ROPN1L: variants seen among roughly 807,000 people sequenced by gnomAD.
ROPN1L encodes the protein rhophilin associated tail protein 1 like.
Under a neutral mutation model 22.7 loss-of-function variants are expected in ROPN1L, and 23 were observed. The observed-to-expected ratio is 1.01, with a 90% CI of 0.73 to 1.43. ROPN1L has a LOEUF of 1.43. ROPN1L is among the 40% of genes most tolerant of loss of function. ROPN1L has a pLI of 0.00. For missense variants in ROPN1L, 271 were observed against 291.5 expected (o/e 0.93, Z 0.51); for synonymous variants, 116 against 117.8 (o/e 0.98, Z 0.10).
chr5:10,469,965 C>T (rs1735219367), downstream of ROPN1L, among the ~76,000 whole-genome samples: 1 of 152,184 alleles, frequency 6.6e-6, no homozygotes, highest in African/African-American at 2.4e-5. Flanking sequence ...CACTAACATA[C>T]TTGTGAATTC....
chr5:10,476,260 CTA>C (rs755988161), downstream of ROPN1L, among the ~76,000 whole-genome samples: 30 of 152,230 alleles, frequency 2.0e-4, no homozygotes, highest in Admixed American at 7.9e-4. Context: ...CCAGACCCCT[CTA>C]TGTGTTGCGG....
chr5:10,442,258 A>T lies in ROPN1L; in HGVS notation c.91A>T (p.Ile31Phe). 3.1e-6 allele frequency: 5 copies of T among 1,613,730 alleles called. No individual in the cohort carries two copies. In the South Asian group the frequency reaches 4.4e-5, roughly 14 times the overall value. The change falls in exon 1 of 5, where the codon ATC becomes TTC. Residue 31 changes from isoleucine to phenylalanine, a missense_variant. By Grantham distance (21) the Ile-to-Phe change is conservative. Coordinates refer to ENST00000274134, the MANE Select transcript of ROPN1L (RefSeq NM_031916.5). ...DILKQFTKAA[I>F]RTQPADVLRW... is the part of the protein sequence containing the mutation. ...CCTGAAGCAATTCACCAAGGCTGCC[A>T]TCCGCACCCAGCCGGCCGACGTGCT...
chr5:10,470,893 G>A (rs1435129337), intron 4 of ROPN1L, among the ~76,000 whole-genome samples: 1 of 152,230 alleles, frequency 6.6e-6, no homozygotes, highest in African/African-American at 2.4e-5. Context: ...TGCCACGTAC[G>A]GGTTTTGCAG....
At chr5:10,482,803 T>A in the ROPN1L span, among the ~76,000 whole-genome samples, 1 of 152,356 alleles carries the variant, frequency 6.6e-6, no homozygotes, top group Non-Finnish European at 1.5e-5. Context: ...GATAAAATAA[T>A]CTTGGATTTA....
At chr5:10,480,174 T>A in the ROPN1L span, among the ~76,000 whole-genome samples, 1 of 152,370 alleles carries the variant, frequency 6.6e-6, no homozygotes, top group African/African-American at 2.4e-5. Context: ...TAAACCAATG[T>A]AGTTATTTCA....
chr5:10,464,299 C>T (rs1735108926), intron 4 of ROPN1L, among the ~76,000 whole-genome samples: 1 of 152,192 alleles, frequency 6.6e-6, no homozygotes, highest in Non-Finnish European at 1.5e-5. Context: ...TTCTTGACAC[C>T]ATCCTGGCTG....
rs569994428 is a variant in ROPN1L, at chr5:10,448,266, T to C, written c.138T>C (p.Phe46=). 3 of 1,614,130 alleles carry C rather than the reference T, an allele frequency of 1.9e-6. No homozygotes were observed. The highest frequency in any genetic ancestry group is 2.5e-6 in the Non-Finnish European group (3 of 1,180,010). The part of the protein sequence containing the change: ...ADVLRWSAGY[F]SALSRGDPLP... ...GATGTCTGTTATTTATTAGCTATTT[T>C]TCAGCTCTGTCGAGAGGAGATCCAC... Residue 46 remains phenylalanine, a synonymous_variant, in exon 2 of 5, where the codon TTT becomes TTC. Coordinates refer to ENST00000274134, the MANE Select transcript of ROPN1L (RefSeq NM_031916.5).
the ROPN1L span, among the ~76,000 whole-genome samples, chr5:10,478,452 C>T: frequency 1.6e-4 from 25 of 152,296 alleles, no homozygotes; most frequent in Non-Finnish European, 2.5e-4. Context: ...ATTGGCAGGG[C>T]CACACTTCCT....
chr5:10,458,364 G>A (rs551626733), intron 3 of ROPN1L, among the ~76,000 whole-genome samples: 6 of 151,810 alleles, frequency 4.0e-5, no homozygotes, highest in Middle Eastern at 3.4e-3. Flanking sequence ...CTCCCACCTC[G>A]GCAACCTCGT....
rs1205371140 is a variant in ROPN1L at position 10,448,403 on chromosome 5, C to G, written c.255+20C>G. On this transcript the variant is annotated intron_variant, in intron 2 of 4. Coordinates refer to ENST00000274134, the MANE Select transcript of ROPN1L (RefSeq NM_031916.5). The stretch of plus-strand genomic sequence containing the variant: ...AAGCAGGTATGGGGGGGCGTAGTCT[C>G]TGGCCTCAGGCAGCTGGCCTGTGCT... The G allele has an allele frequency of 1.2e-6, 2 of 1,613,654 alleles. No homozygotes were observed. The highest frequency in any genetic ancestry group is 3.3e-5 in the Admixed American group (2 of 60,006).
intron 1 of ROPN1L, among the ~76,000 whole-genome samples, chr5:10,447,301 C>T (rs905031349): frequency 6.6e-6 from 1 of 152,234 alleles, no homozygotes; most frequent in Admixed American, 6.5e-5. Flanking sequence ...CACCACGAGC[C>T]AGAGGCTGGG....
the ROPN1L span, among the ~76,000 whole-genome samples, chr5:10,479,082 T>A: frequency 6.6e-6 from 1 of 152,164 alleles, no homozygotes; most frequent in Non-Finnish European, 1.5e-5. Context: ...TCCTTGTTTT[T>A]GAGGTGGCTG....
At chr5:10,459,543 C>T (rs955246508) in intron 3 of ROPN1L, among the ~76,000 whole-genome samples, 4 of 152,144 alleles carry the variant, frequency 2.6e-5, no homozygotes, top group Admixed American at 6.5e-5. Flanking sequence ...CCCACCCCAT[C>T]CCGCTGACCT....
At chr5:10,459,745 A>G (rs1218407582) in intron 3 of ROPN1L, among the ~76,000 whole-genome samples, 1 of 151,146 alleles carries the variant, frequency 6.6e-6, no homozygotes, top group Admixed American at 6.6e-5. Flanking sequence ...GTCATCCTCC[A>G]CCCCGGCACT....
intron 3 of ROPN1L, among the ~76,000 whole-genome samples, chr5:10,454,768 C>T (rs891971704): frequency 3.3e-5 from 5 of 152,182 alleles, no homozygotes; most frequent in African/African-American, 7.2e-5. Flanking sequence ...TAACCGGGTG[C>T]GGGAGTGCAC....
intron 3 of ROPN1L, among the ~76,000 whole-genome samples, chr5:10,456,259 G>T (rs1296386706): frequency 6.6e-6 from 1 of 152,200 alleles, no homozygotes; most frequent in Non-Finnish European, 1.5e-5. Context: ...GGCCAAGGCG[G>T]GTGGATCACC....
chr5:10,445,668 G>A (rs1178634873), intron 1 of ROPN1L, among the ~76,000 whole-genome samples: 2 of 152,230 alleles, frequency 1.3e-5, no homozygotes, highest in Non-Finnish European at 2.9e-5. Flanking sequence ...GCTCACACCT[G>A]TAATCCCTAC....
At chr5:10,447,340 A>G (rs1046377577) in intron 1 of ROPN1L, among the ~76,000 whole-genome samples, 2 of 152,188 alleles carry the variant, frequency 1.3e-5, no homozygotes, top group Non-Finnish European at 2.9e-5. Context: ...TTATTGCCCC[A>G]ACAGTTTCCC....
intron 1 of ROPN1L, among the ~76,000 whole-genome samples, chr5:10,445,768 A>G (rs556255377): frequency 1.3e-5 from 2 of 152,300 alleles, no homozygotes; most frequent in South Asian, 2.1e-4. Flanking sequence ...TGTACTAAAA[A>G]TAAAATTAGC....
Sources: allele counts gnomAD v4.1 joint callset (sites outside exome capture counted in the v4.1 genomes callset), GRCh38; gene constraint gnomAD v4.1.1; transcripts MANE v1.5; gene names NCBI Gene and HGNC (gene_info 2026-07-23, HGNC 2026-07-21).